BICD1: variants seen among roughly 807,000 people sequenced by gnomAD.
BICD1 encodes the protein protein bicaudal D homolog 1.
In BICD1, 35 loss-of-function variants were observed where a neutral mutation model predicts 92.5. The ratio of observed to expected loss-of-function variants is 0.38; its 90% confidence interval spans 0.29 to 0.50. The LOEUF (loss-of-function observed/expected upper bound fraction) is 0.50. BICD1 is among the 20% of genes least tolerant of loss of function. BICD1 has a pLI of 0.93. For synonymous variants in BICD1, 429 were observed against 465.1 expected (o/e 0.92, Z 1.00); for missense variants, 950 against 1,189.8 (o/e 0.80, Z 2.97).
At chr12:32,302,814 A>G (rs375371145) in intron 3 of BICD1, among the ~76,000 whole-genome samples, 2 of 151,184 alleles carry the variant, frequency 1.3e-5, no homozygotes, top group South Asian at 2.1e-4. Flanking sequence ...GATATTATAA[A>G]TAATGGTCTC....
chr12:32,231,579 ATTTAT>A (rs1345810703), intron 2 of BICD1, among the ~76,000 whole-genome samples: 1 of 150,864 alleles, frequency 6.6e-6, no homozygotes, highest in African/African-American at 2.4e-5. Flanking sequence ...TTATTTATTT[ATTTAT>A]TTATTTATTT....
chr12:32,309,863 T>G (rs1948328236), intron 4 of BICD1, among the ~76,000 whole-genome samples: 1 of 152,196 alleles, frequency 6.6e-6, no homozygotes, highest in African/African-American at 2.4e-5. Context: ...ATGTGCCATG[T>G]TGGTGTGCTG....
chr12:32,333,453 A>G (rs1044746602), intron 5 of BICD1, among the ~76,000 whole-genome samples: 12 of 152,192 alleles, frequency 7.9e-5, no homozygotes, highest in African/African-American at 2.9e-4. Flanking sequence ...ATTTATTTCT[A>G]TAGATGTTGG....
intron 4 of BICD1, among the ~76,000 whole-genome samples, chr12:32,317,723 C>G (rs953868127): frequency 1.3e-5 from 2 of 151,992 alleles, no homozygotes; most frequent in Admixed American, 6.6e-5. Flanking sequence ...TAATTAGATC[C>G]CATTTGTCAA....
In BICD1 at chr12:32,361,239, G is replaced by C. The variant is rs556497511; in HGVS notation, c.2765-6431G>C. On this transcript the variant is annotated intron_variant, in intron 8 of 9. Coordinates refer to ENST00000652176, the MANE Select transcript of BICD1 (RefSeq NM_001714.4). ...GTCAGAGAGCAAGGAGACGAGTGAGGGAAATTGACATCACGTCTTAAAAGG... is the reference window on the plus strand; with the variant it reads ...GTCAGAGAGCAAGGAGACGAGTGAGCGAAATTGACATCACGTCTTAAAAGG... Among the ~76,000 whole-genome samples, 17 of 152,246 alleles carry C rather than the reference G, an allele frequency of 1.1e-4. No individual in the cohort carries two copies. The South Asian group carries it at 3.1e-3, about 28-fold the overall frequency.
intron 8 of BICD1, among the ~76,000 whole-genome samples, chr12:32,358,642 C>T (rs1939209669): frequency 6.6e-6 from 1 of 151,906 alleles, no homozygotes; most frequent in Non-Finnish European, 1.5e-5. Context: ...GAGGCTGAGG[C>T]AGGAGAATCA....
intron 1 of BICD1, among the ~76,000 whole-genome samples, chr12:32,165,675 T>A (rs1943739661): frequency 1.8e-5 from 2 of 112,300 alleles, no homozygotes; most frequent in Non-Finnish European, 3.6e-5. Flanking sequence ...AGAGCCAGAC[T>A]CTGTCTCAAA....
chr12:32,332,904 G>C (rs1318138607), intron 5 of BICD1: 1 of 985,330 alleles, frequency 1.0e-6, no homozygotes. Context: ...TGTGGAGAAA[G>C]TGGTGAAAGC....
chr12:32,356,282 A>T (rs1465154957), intron 8 of BICD1, among the ~76,000 whole-genome samples: 1 of 152,202 alleles, frequency 6.6e-6, no homozygotes, highest in Non-Finnish European at 1.5e-5. Flanking sequence ...TAAAAGAGAG[A>T]CAGAGATCTT....
chr12:32,239,163 C>T (rs752684255), intron 2 of BICD1, among the ~76,000 whole-genome samples: 8 of 145,284 alleles, frequency 5.5e-5, no homozygotes, highest in East Asian at 2.1e-4. Flanking sequence ...AGGAGAATGG[C>T]GTGAACCTGG....
intron 2 of BICD1, among the ~76,000 whole-genome samples, chr12:32,235,322 A>C (rs770844628): frequency 2.6e-5 from 4 of 152,226 alleles, no homozygotes; most frequent in Non-Finnish European, 5.9e-5. Flanking sequence ...TCTTGCCCTC[A>C]ACAATTAATG....
intron 1 of BICD1, among the ~76,000 whole-genome samples, chr12:32,139,987 C>T (rs967208039): frequency 6.6e-6 from 1 of 152,186 alleles, no homozygotes; most frequent in Non-Finnish European, 1.5e-5. Context: ...GTACCGAGGA[C>T]GGATCTCAGC....
At chr12:32,222,564 C>T (rs1267581904) in intron 2 of BICD1, among the ~76,000 whole-genome samples, 4 of 152,172 alleles carry the variant, frequency 2.6e-5, no homozygotes, top group Admixed American at 6.5e-5. Flanking sequence ...CTGCCAAGAG[C>T]ATAGGTTTCC....
chr12:32,216,428 G>A lies in BICD1; in HGVS notation c.395G>A (p.Arg132Lys). ...ACTAATGTACAGGCAGAAAACGAGA[G>A]GCTCACCGCAGTCGTGCAGGATCTG... The part of the protein sequence containing the change: ...VVTNVQAENE[R>K]LTAVVQDLKE... Residue 132 changes from arginine to lysine, a missense_variant, in exon 2 of 10, where the codon AGG (arginine) becomes AAG (lysine). Physicochemically the swap from Arg to Lys is conservative, Grantham distance 26. Around this residue, in one of 5 missense-constraint regions of BICD1, gnomAD observed 202 missense variants for 205.3 expected, o/e 0.98. Transcript: ENST00000652176. The A allele has an allele frequency of 5.0e-6, 8 of 1,614,108 alleles. No individual in the cohort carries two copies. Among genetic ancestry groups the A allele is most frequent in the Non-Finnish European group, 5.9e-6 (7 of 1,180,010 alleles).
chr12:32,346,165 G>C (rs1043780839), intron 8 of BICD1, among the ~76,000 whole-genome samples: 3 of 133,706 alleles, frequency 2.2e-5, no homozygotes, highest in African/African-American at 1.2e-4. Flanking sequence ...TAAATAAAAA[G>C]AAACAAGTGA....
chr12:32,213,293 G>A (rs1945268706), intron 1 of BICD1, among the ~76,000 whole-genome samples: 1 of 152,060 alleles, frequency 6.6e-6, no homozygotes, highest in African/African-American at 2.4e-5. Context: ...CCCCAGTTTG[G>A]GTTTGTCTGA....
At chr12:32,298,229 C>G (rs1418060043) in intron 3 of BICD1, among the ~76,000 whole-genome samples, 1 of 151,290 alleles carries the variant, frequency 6.6e-6, no homozygotes, top group Non-Finnish European at 1.5e-5. Flanking sequence ...AGTCACACTT[C>G]TAATATGAAA....
chr12:32,351,173 A>AAC (rs1311102585), intron 8 of BICD1, among the ~76,000 whole-genome samples: 1 of 150,330 alleles, frequency 6.7e-6, no homozygotes, highest in Non-Finnish European at 1.5e-5. Flanking sequence ...TTAAAAAAAA[A>AAC]AAAAAAACTT....
chr12:32,136,497 C>T (rs759897384), intron 1 of BICD1, among the ~76,000 whole-genome samples: 13 of 152,216 alleles, frequency 8.5e-5, no homozygotes, highest in Non-Finnish European at 1.2e-4. Context: ...TTTAGTGCCT[C>T]TGGCTGCATC....
Sources: allele counts gnomAD v4.1 joint callset (sites outside exome capture counted in the v4.1 genomes callset), GRCh38; gene constraint gnomAD v4.1.1; regional missense constraint gnomAD v4.1.1; transcripts MANE v1.5; gene names NCBI Gene and HGNC (gene_info 2026-07-23, HGNC 2026-07-21).